Variants in ZNF483 observed in about 807,000 individuals in gnomAD.
ZNF483 encodes zinc finger protein HIT-10.
A neutral mutation model predicts 28.6 loss-of-function variants in ZNF483; 9 were observed. The ratio of observed to expected loss-of-function variants is 0.32; its 90% CI spans 0.19 to 0.55. ZNF483 has a LOEUF of 0.55. Among genes scored for constraint, ZNF483 ranks in the 20% least tolerant of loss-of-function variants. The pLI is 0.93. For synonymous variants in ZNF483, 322 were observed against 306.2 expected, an observed-to-expected ratio of 1.05 and a Z score of -0.54; for missense variants, 675 against 871.7, an observed-to-expected ratio of 0.77 and a Z score of 2.84.
chr9:111,561,143 G>GAA (rs1828298435), intron 5 of ZNF483, among the ~76,000 whole-genome samples: 1 of 49,384 alleles, frequency 2.0e-5, no homozygotes, highest in African/African-American at 1.4e-4. Context: ...AGAGAGGAGA[G>GAA]AGAGGGAGAG....
At position 111,527,047 on chromosome 9, in the gene ZNF483, A is replaced by G. The variant is rs1827199878; in HGVS notation, c.-128-221A>G. 2.0e-5 allele frequency among the ~76,000 whole-genome samples: 3 copies of G among 152,086 alleles called. No individual in the cohort carries two copies. The South Asian group carries it at 6.2e-4, about 31-fold the overall frequency. On this transcript the variant is annotated intron_variant, in intron 1 of 5. Coordinates refer to ENST00000309235, the MANE Select transcript of ZNF483 (RefSeq NM_133464.5). ...CCCAGCCGGGGCAGAGGTTGCAGTG[A>G]GCCGAGATCGCACCACTTCACTCCA...
chr9:111,526,650 G>A (rs957114602), intron 1 of ZNF483, among the ~76,000 whole-genome samples: 9 of 152,174 alleles, frequency 5.9e-5, no homozygotes, highest in Non-Finnish European at 7.3e-5. Context: ...AGTGAGAAAT[G>A]TGTGCCCTTT....
chr9:111,533,213 G>A (rs1160565312), intron 3 of ZNF483, among the ~76,000 whole-genome samples: 1 of 152,216 alleles, frequency 6.6e-6, no homozygotes, highest in Non-Finnish European at 1.5e-5. Flanking sequence ...CTTGATCAAT[G>A]TTACACATTC....
At chr9:111,570,988 G>A (rs2132352141) in intron 5 of ZNF483, among the ~76,000 whole-genome samples, 1 of 152,276 alleles carries the variant, frequency 6.6e-6, no homozygotes, top group East Asian at 1.9e-4. Flanking sequence ...ACAGAGGAAG[G>A]GGCCACATGC....
At position 111,527,329 on chromosome 9, in the gene ZNF483, C is replaced by T; in HGVS notation, c.-67C>T. 1 of 1,509,934 alleles carries T rather than the reference C, an allele frequency of 6.6e-7. No homozygotes were observed. Among genetic ancestry groups the T allele is most frequent in the Non-Finnish European group, 9.0e-7 (1 of 1,114,802 alleles). The allele number at this position is 1,509,934 out of a possible 1,614,324, so 93.5% of individuals were successfully genotyped here. On this transcript the variant is annotated 5_prime_UTR_variant, in exon 2 of 6. Transcript: ENST00000309235. ...TGATATTCCTGGCTGTGTATAGTGC[C>T]TGTTGGTGGACTGTACTGATACTCA...
chr9:111,533,901 C>T (rs1827410115), intron 4 of ZNF483, 36 bp downstream of exon 4: 5 of 1,575,528 alleles, frequency 3.2e-6, no homozygotes, highest in Non-Finnish European at 4.3e-6. Flanking sequence ...TAGCGTTTAA[C>T]CTTGGGTCTC....
exon 6 of ZNF483, chr9:111,576,417 C>A: frequency 6.2e-7 from 1 of 1,614,060 alleles, no homozygotes; most frequent in Non-Finnish European, 8.5e-7. Flanking sequence ...CTGAATAAGA[C>A]CATGCTCTGC....
At chr9:111,562,125 C>T (rs1564608558) in intron 5 of ZNF483, among the ~76,000 whole-genome samples, 3 of 152,134 alleles carry the variant, frequency 2.0e-5, no homozygotes, top group African/African-American at 4.8e-5. Context: ...ACCTCGCCTC[C>T]GCCTCCAAAA....
rs534094579 is a variant in ZNF483 at position 111,555,235 on chromosome 9, C to T, written c.*12065C>T. 1.8e-4 allele frequency among the ~76,000 whole-genome samples: 27 copies of T among 152,286 alleles called. No homozygotes were observed. The highest frequency in any genetic ancestry group is 2.6e-4 in the Non-Finnish European group (18 of 68,028). On this transcript the variant is annotated 3_prime_UTR_variant, in exon 6 of 6. Transcript: ENST00000309235. ...CTATTTGGCAAAAGATAATGCCTCTCATTTCCTGTGGGAATTGTGGTGAAT... is the reference window on the plus strand; with the variant it reads ...CTATTTGGCAAAAGATAATGCCTCTTATTTCCTGTGGGAATTGTGGTGAAT...
intron 5 of ZNF483, among the ~76,000 whole-genome samples, chr9:111,564,762 T>C (rs1037126377): frequency 6.6e-6 from 1 of 152,074 alleles, no homozygotes; most frequent in Non-Finnish European, 1.5e-5. Flanking sequence ...TCCAAATCCA[T>C]ATGTTTAAGT....
In ZNF483 at chr9:111,551,075, TC is replaced by T. The variant is rs1827926651; in HGVS notation, c.*7906del. Among the ~76,000 whole-genome samples, 1 of 152,228 alleles carries T rather than the reference TC, an allele frequency of 6.6e-6. No homozygotes were observed. Among genetic ancestry groups the T allele is most frequent in the Non-Finnish European group, 1.5e-5 (1 of 68,044 alleles). ...TATAATGTGAGCCACATACATAATT[TC>T]AAATTTTCTAGTAGCCACTTTTAGA... On this transcript the variant is annotated 3_prime_UTR_variant, in exon 6 of 6. Coordinates refer to ENST00000309235, the MANE Select transcript of ZNF483 (RefSeq NM_133464.5).
At chr9:111,538,585 G>C (rs773632736) in intron 5 of ZNF483, among the ~76,000 whole-genome samples, 2 of 151,952 alleles carry the variant, frequency 1.3e-5, no homozygotes, top group African/African-American at 2.4e-5. Flanking sequence ...AAGGACAACA[G>C]TTGTTTTATC....
rs957797267 is a variant in ZNF483 at position 111,544,618 on chromosome 9, A to G, written c.*1448A>G. On this transcript the variant is annotated 3_prime_UTR_variant, in exon 6 of 6. Coordinates refer to ENST00000309235, the MANE Select transcript of ZNF483 (RefSeq NM_133464.5). ...TTATAACCCCTACCATTTGGAGAAT[A>G]GATACCCTAAAATCTAAAGAGACTG... Among the ~76,000 whole-genome samples the G allele has an allele frequency of 1.3e-5, 2 of 152,198 alleles. No homozygotes were observed. The highest frequency in any genetic ancestry group is 2.4e-5 in the African/African-American group (1 of 41,438).
In ZNF483 at chr9:111,549,693, G is replaced by A; in HGVS notation, c.*6523G>A. ...CCCATTGATTTTCTAAATGTTTGTAGTCCTTTTGTAAAGTGGACCCTTGCC... is the reference window on the plus strand; with the variant it reads ...CCCATTGATTTTCTAAATGTTTGTAATCCTTTTGTAAAGTGGACCCTTGCC... On this transcript the variant is annotated 3_prime_UTR_variant, in exon 6 of 6. Transcript: ENST00000309235. 2 of 1,536,810 alleles carry A rather than the reference G, an allele frequency of 1.3e-6. No homozygotes were observed. The highest frequency in any genetic ancestry group is 1.8e-6 in the Non-Finnish European group (2 of 1,139,842).
In ZNF483 at chr9:111,547,041, A is replaced by G. The variant is rs1827825295; in HGVS notation, c.*3871A>G. Among the ~76,000 whole-genome samples, 1 of 152,194 alleles carries G rather than the reference A, an allele frequency of 6.6e-6. No individual in the cohort carries two copies. The highest frequency in any genetic ancestry group is 2.4e-5 in the African/African-American group (1 of 41,458). ...TTTAATTCCTTTTTAAGGCTGAATA[A>G]TATTCCATTTTACTTGTATACCACA... On this transcript the variant is annotated 3_prime_UTR_variant, in exon 6 of 6. Transcript: ENST00000309235.
At chr9:111,557,086 G>T (rs186122580), downstream of ZNF483, among the ~76,000 whole-genome samples, 3 of 152,314 alleles carry the variant, frequency 2.0e-5, no homozygotes, top group African/African-American at 4.8e-5. Flanking sequence ...TTTCCCCATT[G>T]TCTTGGCTAT....
rs1827858440 is a variant in ZNF483 at position 111,548,689 on chromosome 9, T to C, written c.*5519T>C. 6.6e-6 allele frequency among the ~76,000 whole-genome samples: 1 copy of C among 152,238 alleles called. No homozygotes were observed. The highest frequency in any genetic ancestry group is 2.4e-5 in the African/African-American group (1 of 41,466). ...TTTTCCTGAAATGCTTTCTATTTTA[T>C]ATCATTCCGTATGATGTTAGCTGTG... On this transcript the variant is annotated 3_prime_UTR_variant, in exon 6 of 6. Coordinates refer to ENST00000309235, the MANE Select transcript of ZNF483 (RefSeq NM_133464.5).
rs1337653252 is a variant in ZNF483, at chr9:111,553,804, A to G, written c.*10634A>G. Among the ~76,000 whole-genome samples, 1 of 152,240 alleles carries G rather than the reference A, an allele frequency of 6.6e-6. No individual in the cohort carries two copies. The highest frequency in any genetic ancestry group is 1.5e-5 in the Non-Finnish European group (1 of 68,042). On this transcript the variant is annotated 3_prime_UTR_variant, in exon 6 of 6. Coordinates refer to ENST00000309235, the MANE Select transcript of ZNF483 (RefSeq NM_133464.5). ...TGGATTTCCATTTCTCACTAGCCTC[A>G]AGTGACTACCATATTAAGTTGCTCT...
chr9:111,560,114 G>C (rs936762616), downstream of ZNF483, among the ~76,000 whole-genome samples: 1 of 151,550 alleles, frequency 6.6e-6, no homozygotes, highest in African/African-American at 2.4e-5. Context: ...GGGAGGCCTA[G>C]GTGGGTGGAT....
Sources: allele counts gnomAD v4.1 joint callset (sites outside exome capture counted in the v4.1 genomes callset), GRCh38; gene constraint gnomAD v4.1.1; transcripts MANE v1.5; gene names NCBI Gene and HGNC (gene_info 2026-07-23, HGNC 2026-07-21).